The following ARID4B variants were observed in gnomAD, a reference collection of about 807,000 sequenced individuals.
ARID4B encodes AT-rich interactive domain-containing protein 4B.
In ARID4B, 26 loss-of-function variants were observed where a neutral mutation model predicts 147.5. The observed-to-expected ratio is 0.18, with a 90% confidence interval of 0.13 to 0.24. The LOEUF (loss-of-function observed/expected upper bound fraction) is 0.24. ARID4B is among the 10% of genes least tolerant of loss of function. The pLI is 1.00. For missense variants in ARID4B, 1,179 were observed against 1,511.5 expected (o/e 0.78, Z 3.65); for synonymous variants, 512 against 507.9 (o/e 1.01, Z -0.11).
At chr1:235,177,103 C>T (rs1394692575) in intron 21 of ARID4B, among the ~76,000 whole-genome samples, 1 of 152,124 alleles carries the variant, frequency 6.6e-6, no homozygotes, top group Non-Finnish European at 1.5e-5. Context: ...GTACCAAAGA[C>T]AAATGTTGTA....
intron 2 of ARID4B, among the ~76,000 whole-genome samples, chr1:235,313,193 C>T (rs566670289): frequency 9.2e-5 from 14 of 152,138 alleles, no homozygotes; most frequent in African/African-American, 3.4e-4. Flanking sequence ...CCATGCCTGG[C>T]TAATTTTTAT....
At chr1:235,274,825 T>C (rs912620611) in intron 2 of ARID4B, among the ~76,000 whole-genome samples, 1 of 152,202 alleles carries the variant, frequency 6.6e-6, no homozygotes, top group East Asian at 1.9e-4. Flanking sequence ...GTTTCTCCAC[T>C]TCTAAAAAGA....
chr1:235,193,050 C>T (rs1456582844), intron 19 of ARID4B, among the ~76,000 whole-genome samples: 5 of 151,252 alleles, frequency 3.3e-5, no homozygotes, highest in Admixed American at 2.0e-4. Context: ...GCTGAGATTG[C>T]GCCACTGCAC....
intron 17 of ARID4B, among the ~76,000 whole-genome samples, chr1:235,204,797 T>C (rs928248072): frequency 6.6e-6 from 1 of 152,202 alleles, no homozygotes; most frequent in African/African-American, 2.4e-5. Flanking sequence ...AAAATATCAA[T>C]GTACCTGCCA....
At chr1:235,270,372 C>G (rs950766127) in intron 2 of ARID4B, among the ~76,000 whole-genome samples, 13 of 152,176 alleles carry the variant, frequency 8.5e-5, no homozygotes, top group Admixed American at 8.5e-4. Flanking sequence ...TCTTAATATT[C>G]TTCTTACAAT....
chr1:235,206,221 A>T (rs1053119693), intron 17 of ARID4B, among the ~76,000 whole-genome samples: 4 of 152,276 alleles, frequency 2.6e-5, no homozygotes, highest in African/African-American at 9.6e-5. Context: ...TGAAACAGAA[A>T]TTTTTTTCAT....
intron 2 of ARID4B, among the ~76,000 whole-genome samples, chr1:235,264,173 T>A (rs776064237): frequency 6.6e-6 from 1 of 152,220 alleles, no homozygotes; most frequent in Non-Finnish European, 1.5e-5. Context: ...TACTTTTCTG[T>A]TCCTAAATTC....
rs769176841 is a variant in ARID4B at position 235,234,543 on chromosome 1, G to T, written c.586-51C>A. ...TATAACTAAAAGAACTCATAGATAG[G>T]TAAGTACCCACCATTTAAATCCTTT... On this transcript the variant is annotated intron_variant, in intron 8 of 23. Transcript: ENST00000264183. 3.9e-5 allele frequency: 48 copies of T among 1,233,086 alleles called. No individual in the cohort carries two copies. In the Admixed American group the frequency reaches 4.7e-4, roughly 12 times the overall value. 76.4% of individuals were successfully genotyped at this position (1,233,086 alleles called of 1,614,324 possible). A position where few individuals can be genotyped will look rare whatever the true frequency, so the allele number is the denominator to read the frequency against.
intron 2 of ARID4B, among the ~76,000 whole-genome samples, chr1:235,288,492 T>C (rs752353405): frequency 6.6e-6 from 1 of 152,238 alleles, no homozygotes; most frequent in African/African-American, 2.4e-5. Flanking sequence ...TTTAATATAC[T>C]GTCTTTCAAC....
chr1:235,304,001 C>T (rs751082114), intron 2 of ARID4B, among the ~76,000 whole-genome samples: 2 of 152,082 alleles, frequency 1.3e-5, no homozygotes, highest in Non-Finnish European at 2.9e-5. Context: ...AATAACAAAG[C>T]AAGCAATGAA....
intron 2 of ARID4B, 134 bp from the exon 3 acceptor site, chr1:235,260,886 TATAA>T: frequency 1.7e-6 from 1 of 572,230 alleles, no homozygotes; most frequent in Non-Finnish European, 3.0e-6. Context: ...AAGACCAATC[TATAA>T]AATACTATAA....
At position 235,304,080 on chromosome 1, in the gene ARID4B, G is replaced by C. The variant is rs559028140; in HGVS notation, c.6+22834C>G. On this transcript the variant is annotated intron_variant, in intron 2 of 23. Transcript: ENST00000264183. Reference sequence around the variant, plus strand: ...TCAAAGAAGTAAATTGCCTAGGCCAGGCACGGTGGCTCACGCCTATTATCA... The same window carrying C: ...TCAAAGAAGTAAATTGCCTAGGCCACGCACGGTGGCTCACGCCTATTATCA... 1.3e-3 allele frequency among the ~76,000 whole-genome samples: 194 copies of C among 152,340 alleles called. 1 individual carries two copies. Among genetic ancestry groups the C allele is most frequent in the African/African-American group, 4.6e-3 (190 of 41,580 alleles).
chr1:235,267,924 A>G (rs1258605753), intron 2 of ARID4B, among the ~76,000 whole-genome samples: 1 of 152,134 alleles, frequency 6.6e-6, no homozygotes, highest in Non-Finnish European at 1.5e-5. Context: ...AAAGAAAAGA[A>G]AAGAAAACCA....
intron 23 of ARID4B, among the ~76,000 whole-genome samples, chr1:235,169,654 G>A (rs1663193158): frequency 6.6e-6 from 1 of 150,760 alleles, no homozygotes; most frequent in Non-Finnish European, 1.5e-5. Context: ...TCCTGCCTCA[G>A]CCTCCTTTTT....
At chr1:235,199,379 C>A (rs1665724242) in intron 17 of ARID4B, among the ~76,000 whole-genome samples, 1 of 151,910 alleles carries the variant, frequency 6.6e-6, no homozygotes, top group African/African-American at 2.4e-5. Flanking sequence ...TTTACCTTGC[C>A]AATTATGCTC....
chr1:235,281,235 T>C lies in ARID4B; in HGVS notation c.7-20483A>G, dbSNP rs567934278. Among the ~76,000 whole-genome samples the C allele has an allele frequency of 1.3e-3, 202 of 150,576 alleles. 1 individual carries two copies. The highest frequency in any genetic ancestry group is 4.8e-3 in the African/African-American group (197 of 40,912). Reference sequence around the variant, plus strand: ...CAGTTCAAAACCAGCCTGGGCAACATAGGGAAACTGCCTCTGTTAAAAACA... The same window carrying C: ...CAGTTCAAAACCAGCCTGGGCAACACAGGGAAACTGCCTCTGTTAAAAACA... On this transcript the variant is annotated intron_variant, in intron 2 of 23. Coordinates refer to ENST00000264183, the MANE Select transcript of ARID4B (RefSeq NM_016374.6).
chr1:235,254,682 C>A (rs1669839144), intron 5 of ARID4B, among the ~76,000 whole-genome samples: 2 of 151,346 alleles, frequency 1.3e-5, no homozygotes, highest in South Asian at 4.2e-4. Context: ...CAGTTAATAT[C>A]CAAAATATAT....
At position 235,175,249 on chromosome 1, in the gene ARID4B, T is replaced by G. The variant is rs753168624; in HGVS notation, c.3599A>C (p.Lys1200Thr). ...ACTGGGTTCCTTGAGATCAGGATCC[T>G]TATCACCATTCTTTCCACATTTTCC... ...SPGKCGKNGDKDPDLKEPSNR... is the reference protein window; with the variant it reads ...SPGKCGKNGDTDPDLKEPSNR... The change falls in exon 22 of 24, where the codon AAG becomes ACG. Residue 1200 changes from lysine to threonine, a missense_variant. By Grantham distance (78) the Lys-to-Thr change is moderately conservative. This residue lies in a region of ARID4B where 357 missense variants were observed against 427.3 expected (regional missense o/e 0.84). Transcript: ENST00000264183. The G allele has an allele frequency of 1.2e-6, 2 of 1,614,108 alleles. No homozygotes were observed. Among genetic ancestry groups the G allele is most frequent in the Admixed American group, 3.3e-5 (2 of 60,006 alleles).
intron 9 of ARID4B, among the ~76,000 whole-genome samples, chr1:235,233,224 G>T (rs555910867): frequency 8.5e-4 from 129 of 152,262 alleles, no homozygotes; most frequent in African/African-American, 3.0e-3. Context: ...AGGGCATTTG[G>T]ATCGCTTGAG....
Sources: allele counts gnomAD v4.1 joint callset (sites outside exome capture counted in the v4.1 genomes callset), GRCh38; gene constraint gnomAD v4.1.1; regional missense constraint gnomAD v4.1.1; transcripts MANE v1.5; gene names NCBI Gene and HGNC (gene_info 2026-07-23, HGNC 2026-07-21).